Variants in CAMK1D observed in about 807,000 individuals in gnomAD.
CAMK1D encodes calcium/calmodulin dependent protein kinase ID, also known as calcium/calmodulin-dependent protein kinase type 1D.
Under a neutral mutation model 47.7 loss-of-function variants are expected in CAMK1D, and 9 were observed. That is an observed-to-expected ratio of 0.19 (90% confidence interval 0.11 to 0.33). CAMK1D has a LOEUF of 0.33. CAMK1D is among the 10% of genes least tolerant of loss of function. The pLI is 1.00. For missense variants in CAMK1D, 291 were observed against 488.7 expected (o/e 0.60, Z 3.81); for synonymous variants, 184 against 184.9 (o/e 0.99, Z 0.04).
rs1232057007 is a variant in CAMK1D at position 12,734,391 on chromosome 10, GATATAT to G, written c.300-26547_300-26542del. 3.4e-3 allele frequency among the ~76,000 whole-genome samples: 82 copies of G among 24,334 alleles called. 4 individuals carry two copies. The highest frequency in any genetic ancestry group is 0.026 in the Middle Eastern group (1 of 38). The allele number at this position is 24,334 out of a possible 152,430, so 16.0% of individuals were successfully genotyped here. A position where few individuals can be genotyped will look rare whatever the true frequency, so the allele number is the denominator to read the frequency against. The stretch of plus-strand genomic sequence containing the variant: ...ATATATATATATAGATATAGATATA[GATATAT>G]ATATATATACACACACACACACATG... On this transcript the variant is annotated intron_variant, in intron 3 of 10. Transcript: ENST00000619168.
chr10:12,545,731 C>T (rs537538067), intron 1 of CAMK1D, among the ~76,000 whole-genome samples: 113 of 150,952 alleles, frequency 7.5e-4, no homozygotes, highest in Middle Eastern at 3.5e-3. Context: ...ACCAGGGAGT[C>T]GGAGGTTGCA....
At chr10:12,547,886 G>C (rs959252555) in intron 1 of CAMK1D, among the ~76,000 whole-genome samples, 3 of 152,156 alleles carry the variant, frequency 2.0e-5, no homozygotes, top group African/African-American at 7.2e-5. Flanking sequence ...CTTTGTCTTT[G>C]GAAAGCTTAA....
intron 1 of CAMK1D, among the ~76,000 whole-genome samples, chr10:12,502,223 A>T (rs542953721): frequency 6.6e-6 from 1 of 152,306 alleles, no homozygotes; most frequent in South Asian, 2.1e-4. Context: ...GCTGTGATGG[A>T]TGCAGAGCTT....
At chr10:12,477,921 G>A (rs1271292012) in intron 1 of CAMK1D, among the ~76,000 whole-genome samples, 1 of 152,056 alleles carries the variant, frequency 6.6e-6, no homozygotes, top group Admixed American at 6.5e-5. Context: ...GATTCTTTCA[G>A]CACATTCTCT....
intron 3 of CAMK1D, among the ~76,000 whole-genome samples, chr10:12,724,310 C>T (rs536645722): frequency 3.9e-5 from 6 of 152,268 alleles, no homozygotes; most frequent in African/African-American, 1.4e-4. Flanking sequence ...TCTTGGGCTG[C>T]CTTCTGTTTT....
At chr10:12,456,929 C>T (rs902098464) in intron 1 of CAMK1D, among the ~76,000 whole-genome samples, 2 of 152,134 alleles carry the variant, frequency 1.3e-5, no homozygotes, top group East Asian at 3.8e-4. Context: ...TGCAGATACA[C>T]CCCCACATGT....
intron 1 of CAMK1D, among the ~76,000 whole-genome samples, chr10:12,468,404 G>A (rs1344726124): frequency 6.6e-6 from 1 of 152,210 alleles, no homozygotes; most frequent in Non-Finnish European, 1.5e-5. Flanking sequence ...GGTGAAGTAT[G>A]ATTGGAGAAA....
At chr10:12,631,406 C>T (rs557082368) in intron 2 of CAMK1D, among the ~76,000 whole-genome samples, 1 of 152,290 alleles carries the variant, frequency 6.6e-6, no homozygotes, top group South Asian at 2.1e-4. Flanking sequence ...GGAGATGCTC[C>T]CTTAACTATC....
chr10:12,427,089 A>C (rs1312010853), intron 1 of CAMK1D, among the ~76,000 whole-genome samples: 3 of 152,104 alleles, frequency 2.0e-5, no homozygotes, highest in Non-Finnish European at 4.4e-5. Flanking sequence ...GGCTCAAGCG[A>C]TCCTCCTGCC....
At chr10:12,477,903 G>A (rs1833947467) in intron 1 of CAMK1D, among the ~76,000 whole-genome samples, 1 of 152,156 alleles carries the variant, frequency 6.6e-6, no homozygotes, top group South Asian at 2.1e-4. Flanking sequence ...TTCCAGTCTT[G>A]TAGATGGGAT....
chr10:12,600,425 G>A (rs1387104146), intron 2 of CAMK1D, among the ~76,000 whole-genome samples: 1 of 152,146 alleles, frequency 6.6e-6, no homozygotes, highest in African/African-American at 2.4e-5. Context: ...ACCTACTCAC[G>A]CTTGGTTTGT....
At chr10:12,772,925 G>C (rs949319345) in intron 5 of CAMK1D, among the ~76,000 whole-genome samples, 1 of 151,876 alleles carries the variant, frequency 6.6e-6, no homozygotes, top group African/African-American at 2.4e-5. Flanking sequence ...CCCTTAGGCA[G>C]TTAGCAGCTG....
chr10:12,776,297 C>T (rs1588912635), intron 5 of CAMK1D, among the ~76,000 whole-genome samples: 1 of 152,288 alleles, frequency 6.6e-6, no homozygotes, highest in East Asian at 1.9e-4. Context: ...TGGGAGGGTG[C>T]AGTTGTCTTT....
chr10:12,358,009 C>T (rs1253633441), intron 1 of CAMK1D, among the ~76,000 whole-genome samples: 1 of 152,158 alleles, frequency 6.6e-6, no homozygotes, highest in Non-Finnish European at 1.5e-5. Context: ...ATATCTTCAG[C>T]TATCTGTTCT....
chr10:12,680,663 G>A (rs762525492), intron 3 of CAMK1D, among the ~76,000 whole-genome samples: 5 of 151,876 alleles, frequency 3.3e-5, no homozygotes, highest in Non-Finnish European at 5.9e-5. Flanking sequence ...TGTTTCCCAC[G>A]AGGAAGAAGG....
intron 1 of CAMK1D, among the ~76,000 whole-genome samples, chr10:12,493,984 T>TA (rs2132125710): frequency 6.6e-6 from 1 of 152,292 alleles, no homozygotes; most frequent in Non-Finnish European, 1.5e-5. Flanking sequence ...TGAGGGGAAA[T>TA]ACGCTGGTGG....
rs969141411 is a variant in CAMK1D at position 12,829,052 on chromosome 10, G to T, written c.*165G>T. ...TGGCCATATTTTCTACTGCAATTCT[G>T]AAGTGTTCATTTCTCACAAACTGTA... On this transcript the variant is annotated 3_prime_UTR_variant, in exon 11 of 11. Coordinates refer to ENST00000619168, the MANE Select transcript of CAMK1D (RefSeq NM_153498.4). The T allele has an allele frequency of 1.6e-5, 9 of 574,592 alleles. 1 individual carries two copies. Among genetic ancestry groups the T allele is most frequent in the Non-Finnish European group, 2.5e-5 (8 of 325,220 alleles). The allele number at this position is 574,592 out of a possible 1,614,324, so 35.6% of individuals were successfully genotyped here.
intron 2 of CAMK1D, among the ~76,000 whole-genome samples, chr10:12,612,739 A>T (rs1338028836): frequency 6.6e-6 from 1 of 152,220 alleles, no homozygotes; most frequent in African/African-American, 2.4e-5. Flanking sequence ...CATCATCTAT[A>T]TAATGAACAG....
At chr10:12,740,115 G>T (rs1167805308) in intron 3 of CAMK1D, among the ~76,000 whole-genome samples, 2 of 152,174 alleles carry the variant, frequency 1.3e-5, no homozygotes, top group Non-Finnish European at 2.9e-5. Flanking sequence ...GAATCTTTCT[G>T]TCTGTGCTCA....
Sources: allele counts gnomAD v4.1 joint callset (sites outside exome capture counted in the v4.1 genomes callset), GRCh38; gene constraint gnomAD v4.1.1; transcripts MANE v1.5; gene names NCBI Gene and HGNC (gene_info 2026-07-23, HGNC 2026-07-21).